NRG1: variants seen among roughly 807,000 people sequenced by gnomAD.
NRG1 encodes the protein pro-neuregulin-1, membrane-bound isoform.
NRG1 carries 18 observed loss-of-function variants against 63.8 expected under a neutral mutation model. That is an observed-to-expected ratio of 0.28 (90% CI 0.19 to 0.42). NRG1 has a LOEUF of 0.42. Among genes scored for constraint, NRG1 ranks in the 10% least tolerant of loss-of-function variants. NRG1 has a pLI of 1.00. For missense variants in NRG1, 762 were observed against 814.7 expected (o/e 0.94, Z 0.79); for synonymous variants, 302 against 301.3 (o/e 1.00, Z -0.02).
chr8:32,578,791 A>T (rs1283379123), intron 1 of NRG1, among the ~76,000 whole-genome samples: 2 of 152,190 alleles, frequency 1.3e-5, no homozygotes, highest in Non-Finnish European at 2.9e-5. Flanking sequence ...AAGATATTTG[A>T]GGTACACCAA....
intron 5 of NRG1, among the ~76,000 whole-genome samples, chr8:32,724,820 G>A (rs1426279612): frequency 6.6e-6 from 1 of 152,108 alleles, no homozygotes; most frequent in Non-Finnish European, 1.5e-5. Flanking sequence ...AACTGTATGA[G>A]ATACTTGCTA....
chr8:31,766,043 C>T (rs140894422), intron 1 of NRG1, among the ~76,000 whole-genome samples: 135 of 152,070 alleles, frequency 8.9e-4, no homozygotes, highest in African/African-American at 3.0e-3. Context: ...AGGAGGAACA[C>T]GTATATTTCC....
At chr8:32,763,786 C>T in exon 12 of NRG1, 12 of 1,579,904 alleles carry the variant, frequency 7.6e-6, no homozygotes, top group Non-Finnish European at 8.6e-6. Context: ...CGTATGTCAC[C>T]TGTAGATTTC....
Position 32,742,645 on chromosome 8 carries a change from C to A in NRG1, c.633-30C>A. ...ACCTCTTCTCTTTTTCTCTGTTTTT[C>A]TACCATTGTTTTTTTGTTTCTTCTC... On this transcript the variant is annotated intron_variant, in intron 6 of 11. Coordinates refer to ENST00000356819, the Ensembl canonical transcript of NRG1. The surrounding 1 kb of genome is among the most constrained non-coding windows in gnomAD (Gnocchi z 4.2). 6.3e-7 allele frequency: 1 copy of A among 1,596,308 alleles called. No individual in the cohort carries two copies. The highest frequency in any genetic ancestry group is 1.3e-5 in the African/African-American group (1 of 74,568).
chr8:32,250,699 C>T (rs1031976843), intron 1 of NRG1, among the ~76,000 whole-genome samples: 11 of 149,808 alleles, frequency 7.3e-5, no homozygotes, highest in Non-Finnish European at 1.5e-4. Context: ...AGTGTAGTTT[C>T]TGTGGTTTTT....
rs550859464 is a variant in NRG1 at position 31,746,523 on chromosome 8, A to G, written c.37+107092A>G. Among the ~76,000 whole-genome samples, 5 of 152,098 alleles carry G rather than the reference A, an allele frequency of 3.3e-5. No individual in the cohort carries two copies. In the South Asian group the frequency reaches 1.0e-3, roughly 32 times the overall value. ...TTACCATTGATTTATTGGAAGCAAT[A>G]GCATATTACAAATACTTTATCTTGC... On this transcript the variant is annotated intron_variant, in intron 1 of 10. Coordinates refer to the NRG1 transcript ENST00000519301.
chr8:32,338,826 G>T (rs1054845042), intron 1 of NRG1, among the ~76,000 whole-genome samples: 3 of 152,092 alleles, frequency 2.0e-5, no homozygotes, highest in Admixed American at 6.6e-5. Context: ...TCCGGAGAAT[G>T]TTCCTATTTA....
intron 1 of NRG1, among the ~76,000 whole-genome samples, chr8:32,150,148 C>T (rs948631454): frequency 3.9e-5 from 6 of 152,044 alleles, no homozygotes; most frequent in African/African-American, 1.4e-4. Context: ...CACTACGTAG[C>T]ATTTACAAAC....
chr8:32,352,467 T>C (rs900864144), intron 1 of NRG1, among the ~76,000 whole-genome samples: 2 of 151,820 alleles, frequency 1.3e-5, no homozygotes, highest in Non-Finnish European at 2.9e-5. Context: ...TAGTGCAAAG[T>C]CCTAAAGCCT....
intron 1 of NRG1, among the ~76,000 whole-genome samples, chr8:32,268,607 A>T (rs914591181): frequency 9.2e-5 from 14 of 152,140 alleles, no homozygotes; most frequent in Middle Eastern, 3.4e-3. Flanking sequence ...GAGTGAATGG[A>T]TGTGTATTTA....
At position 32,496,032 on chromosome 8, in the gene NRG1, C is replaced by A. The variant is rs368783643; in HGVS notation, c.38-99796C>A. Among the ~76,000 whole-genome samples, 109 of 152,158 alleles carry A rather than the reference C, an allele frequency of 7.2e-4. 1 individual carries two copies. The highest frequency in any genetic ancestry group is 2.4e-3 in the African/African-American group (100 of 41,490). ...ATATTTATAATAATTTGAAAAGATTCCTCCAGGACTTTTACAAAGACAGAT... is the reference window on the plus strand; with the variant it reads ...ATATTTATAATAATTTGAAAAGATTACTCCAGGACTTTTACAAAGACAGAT... On this transcript the variant is annotated intron_variant, in intron 1 of 10. Coordinates refer to the NRG1 transcript ENST00000519301.
intron 1 of NRG1, among the ~76,000 whole-genome samples, chr8:31,722,811 C>G (rs542101654): frequency 6.6e-6 from 1 of 152,178 alleles, no homozygotes; most frequent in Admixed American, 6.5e-5. Context: ...ATGCCTTTGC[C>G]ATATTACTCC....
At chr8:32,453,437 C>T (rs1291866826) in intron 1 of NRG1, among the ~76,000 whole-genome samples, 1 of 152,172 alleles carries the variant, frequency 6.6e-6, no homozygotes, top group Admixed American at 6.5e-5. Context: ...GGGGTGTATG[C>T]ATTAGGGCCT....
chr8:32,452,364 A>T (rs10113795), intron 1 of NRG1, among the ~76,000 whole-genome samples: 113,539 of 151,244 alleles, frequency 0.75, 42,896 homozygotes, highest in East Asian at 0.89. Flanking sequence ...AGGAGGTGAC[A>T]TTTGAGTTGG....
At chr8:31,976,697 GTA>G (rs1423022884) in intron 1 of NRG1, among the ~76,000 whole-genome samples, 1 of 72,900 alleles carries the variant, frequency 1.4e-5, no homozygotes, top group Non-Finnish European at 2.9e-5. Flanking sequence ...GTGTGTGTGT[GTA>G]TGTGTGTGTG....
At chr8:32,370,857 CAAAAAAA>C (rs570354347) in intron 1 of NRG1, among the ~76,000 whole-genome samples, 5 of 52,052 alleles carry the variant, frequency 9.6e-5, no homozygotes, top group Non-Finnish European at 1.6e-4. Context: ...GACTCTGTCT[CAAAAAAA>C]AAAAAAAAAA....
intron 1 of NRG1, among the ~76,000 whole-genome samples, chr8:31,917,831 C>T (rs1368683436): frequency 1.3e-5 from 2 of 152,106 alleles, no homozygotes; most frequent in East Asian, 3.9e-4. Context: ...ACTCTTCCTA[C>T]CCATGAGCAT....
At chr8:31,760,553 C>A (rs2131512266) in intron 1 of NRG1, among the ~76,000 whole-genome samples, 1 of 152,224 alleles carries the variant, frequency 6.6e-6, no homozygotes, top group East Asian at 1.9e-4. Flanking sequence ...ACCTACTCAT[C>A]TGACAAAGGG....
At chr8:32,010,451 C>T (rs1046668234) in intron 1 of NRG1, among the ~76,000 whole-genome samples, 1 of 151,996 alleles carries the variant, frequency 6.6e-6, no homozygotes, top group Admixed American at 6.6e-5. Flanking sequence ...CTAAAGAAAA[C>T]TACAGTATAC....
Sources: allele counts gnomAD v4.1 joint callset (sites outside exome capture counted in the v4.1 genomes callset), GRCh38; gene constraint gnomAD v4.1.1; non-coding constraint Gnocchi (gnomAD v3.1); transcripts MANE v1.5; gene names NCBI Gene and HGNC (gene_info 2026-07-23, HGNC 2026-07-21).